DIP2C: variants seen among roughly 807,000 people sequenced by gnomAD.
DIP2C encodes disco-interacting protein 2 homolog C.
In DIP2C, 33 loss-of-function variants were observed where a neutral mutation model predicts 192.4. That is an observed-to-expected ratio of 0.17 (90% CI 0.13 to 0.23). DIP2C has a LOEUF of 0.23. Ranked by LOEUF, DIP2C falls within the 10% of genes least tolerant of loss-of-function variation. The pLI is 1.00. For missense variants in DIP2C, 1,537 were observed against 2,110.1 expected (o/e 0.73, Z 5.32); for synonymous variants, 979 against 864.1 (o/e 1.13, Z -2.33).
rs1365770990 is a variant in DIP2C at position 275,180 on chromosome 10, C to T, written c.*2145G>A. On this transcript the variant is annotated 3_prime_UTR_variant, in exon 37 of 37. Coordinates refer to ENST00000280886, the MANE Select transcript of DIP2C (RefSeq NM_014974.3). ...GTTTTGCTTCCTGACTTCAGCTGGA[C>T]CTCAAAGCTGTCCTGCACACTGCAG... 1 of 152,236 alleles carries T rather than the reference C, an allele frequency of 6.6e-6. No individual in the cohort carries two copies. Among genetic ancestry groups the T allele is most frequent in the Non-Finnish European group, 1.5e-5 (1 of 68,056 alleles). 9.4% of individuals were successfully genotyped at this position (152,236 alleles called of 1,614,324 possible). A position where few individuals can be genotyped will look rare whatever the true frequency, so the allele number is the denominator to read the frequency against.
intron 1 of DIP2C, among the ~76,000 whole-genome samples, chr10:524,833 C>T (rs1846954015): frequency 6.6e-6 from 1 of 152,064 alleles, no homozygotes; most frequent in Non-Finnish European, 1.5e-5. Context: ...AACTGCTCTA[C>T]AGGACTTTCG....
At chr10:606,853 G>A (rs374451061) in intron 1 of DIP2C, among the ~76,000 whole-genome samples, 5 of 152,126 alleles carry the variant, frequency 3.3e-5, no homozygotes, top group East Asian at 1.9e-4. Context: ...AGTGACGGAC[G>A]CCACAGCTTC....
At chr10:449,127 T>C (rs1222179490) in intron 3 of DIP2C, among the ~76,000 whole-genome samples, 5 of 151,594 alleles carry the variant, frequency 3.3e-5, no homozygotes, top group Non-Finnish European at 1.5e-5. Context: ...TCCCTGTTGA[T>C]ACTCAGGATC....
intron 14 of DIP2C, among the ~76,000 whole-genome samples, chr10:385,662 GCA>G (rs1962831255): frequency 6.6e-6 from 1 of 152,182 alleles, no homozygotes; most frequent in African/African-American, 2.4e-5. Flanking sequence ...GCACGCTGCT[GCA>G]CACAGAGGCT....
At chr10:446,358 A>G (rs1242023394) in intron 3 of DIP2C, among the ~76,000 whole-genome samples, 1 of 151,234 alleles carries the variant, frequency 6.6e-6, no homozygotes, top group Non-Finnish European at 1.5e-5. Flanking sequence ...GAAGAGTCTC[A>G]TGGTCCACTG....
At chr10:283,504 G>C in intron 34 of DIP2C, 58 bp from the exon 35 acceptor site, 1 of 1,584,464 alleles carries the variant, frequency 6.3e-7, no homozygotes, top group Non-Finnish European at 8.6e-7. Flanking sequence ...AGGGAAATGA[G>C]ACTACAACTA....
chr10:323,453 C>T (rs3132017), intron 31 of DIP2C, among the ~76,000 whole-genome samples: 51,241 of 60,448 alleles, frequency 0.85, 22,630 homozygotes, highest in Non-Finnish European at 0.89. Flanking sequence ...GGGGCTCCAG[C>T]GAGAGACCAG....
chr10:485,072 G>A (rs1215964152), intron 2 of DIP2C: 18 of 1,260,100 alleles, frequency 1.4e-5, no homozygotes, highest in Non-Finnish European at 1.5e-5. Context: ...GGACCACAGG[G>A]CACGACCGCC....
chr10:634,393 A>G (rs1854710013), intron 1 of DIP2C, among the ~76,000 whole-genome samples: 1 of 152,236 alleles, frequency 6.6e-6, no homozygotes, highest in Non-Finnish European at 1.5e-5. Context: ...AATGACCATC[A>G]GCTCAGAGTT....
chr10:489,304 A>G (rs1844252928), intron 1 of DIP2C, among the ~76,000 whole-genome samples: 1 of 152,234 alleles, frequency 6.6e-6, no homozygotes, highest in Non-Finnish European at 1.5e-5. Context: ...GCACTTTTAC[A>G]TGCCGTCCTT....
chr10:573,833 C>A (rs1187051480), intron 1 of DIP2C, among the ~76,000 whole-genome samples: 1 of 152,062 alleles, frequency 6.6e-6, no homozygotes, highest in East Asian at 1.9e-4. Context: ...TCTCAAAACT[C>A]ACAAATGAAA....
intron 4 of DIP2C, among the ~76,000 whole-genome samples, chr10:434,534 G>A (rs753134693): frequency 2.6e-5 from 4 of 152,154 alleles, no homozygotes; most frequent in Non-Finnish European, 4.4e-5. Context: ...TGGCCTCCCA[G>A]AGTGTTAGGG....
intron 1 of DIP2C, among the ~76,000 whole-genome samples, chr10:556,660 G>C (rs1244562540): frequency 6.6e-6 from 1 of 151,962 alleles, no homozygotes; most frequent in South Asian, 2.1e-4. Flanking sequence ...ACTGGGGCCT[G>C]GCCCTGCATC....
intron 1 of DIP2C, among the ~76,000 whole-genome samples, chr10:506,806 C>A (rs139915039): frequency 6.6e-6 from 1 of 152,350 alleles, no homozygotes; most frequent in African/African-American, 2.4e-5. Context: ...GGAAACGAGC[C>A]CCTCACTGAA....
Position 654,810 on chromosome 10 carries a change from G to A in DIP2C, c.85+34684C>T, listed in dbSNP as rs759145427. Among the ~76,000 whole-genome samples the A allele has an allele frequency of 3.6e-4, 55 of 152,082 alleles. 1 individual carries two copies. The highest frequency in any genetic ancestry group is 1.3e-4 in the Admixed American group (2 of 15,266). ...GGAGCACAACACTGCCCCATGCTGC[G>A]CGAGGCTACTATTCTATACTACACT... On this transcript the variant is annotated intron_variant, in intron 1 of 36. Transcript: ENST00000280886.
At chr10:579,252 CAT>C (rs1055498263) in intron 1 of DIP2C, among the ~76,000 whole-genome samples, 43 of 151,256 alleles carry the variant, frequency 2.8e-4, no homozygotes, top group East Asian at 1.2e-3. Context: ...GGTACACTAA[CAT>C]GTGTACATGC....
chr10:679,568 C>CTCTG (rs113308543), intron 1 of DIP2C, among the ~76,000 whole-genome samples: 3 of 83,744 alleles, frequency 3.6e-5, no homozygotes, highest in Admixed American at 2.5e-4. Context: ...CCGCACCCAT[C>CTCTG]CTCCCCCCAC....
rs1464012906 is a variant in DIP2C, at chr10:647,616, G to C, written c.85+41878C>G. 1.3e-3 allele frequency among the ~76,000 whole-genome samples: 125 copies of C among 96,198 alleles called. No homozygotes were observed. The East Asian group carries it at 0.019, about 15-fold the overall frequency. The allele number at this position is 96,198 out of a possible 152,430, so 63.1% of individuals were successfully genotyped here. A position where few individuals can be genotyped will look rare whatever the true frequency, so the allele number is the denominator to read the frequency against. ...AACAGAGGGAAACTGAGTCCACGTC[G>C]ACATTGGATGGTGGGAGAGAACAGA... is the stretch of plus-strand genomic sequence containing the variant. On this transcript the variant is annotated intron_variant, in intron 1 of 36. Transcript: ENST00000280886.
At chr10:334,112 C>A (rs1277251072) in intron 29 of DIP2C, among the ~76,000 whole-genome samples, 2 of 151,960 alleles carry the variant, frequency 1.3e-5, no homozygotes, top group Non-Finnish European at 2.9e-5. Context: ...CAAGACCAGC[C>A]TGGCCAACAT....
Sources: allele counts gnomAD v4.1 joint callset (sites outside exome capture counted in the v4.1 genomes callset), GRCh38; gene constraint gnomAD v4.1.1; transcripts MANE v1.5; gene names NCBI Gene and HGNC (gene_info 2026-07-23, HGNC 2026-07-21).